HSD17B2: variants seen among roughly 807,000 people sequenced by gnomAD.
HSD17B2 encodes the protein hydroxysteroid 17-beta dehydrogenase 2.
A neutral mutation model predicts 26.9 loss-of-function variants in HSD17B2; 32 were observed. The observed-to-expected ratio is 1.19, with a 90% CI of 0.90 to 1.60. The LOEUF (loss-of-function observed/expected upper bound fraction) is 1.60, where lower values mean the gene tolerates loss of function less well. Ranked by LOEUF, HSD17B2 falls within the 40% of genes most tolerant of loss-of-function variation. The probability of loss-of-function intolerance (pLI) is 0.00; values close to 1 mark genes in which losing one functional copy is unlikely to be tolerated. For synonymous variants in HSD17B2, 246 were observed against 186.7 expected (o/e 1.32, Z -2.59); for missense variants, 613 against 468.6 (o/e 1.31, Z -2.85).
chr16:82,071,884 C>T (rs8048018), intron 3 of HSD17B2: 15,039 of 152,476 alleles, frequency 0.099, 2,470 homozygotes, highest in African/African-American at 0.34. Flanking sequence ...GGCTCTGGAT[C>T]CTAGGATCCT....
intron 3 of HSD17B2, among the ~76,000 whole-genome samples, chr16:82,083,752 G>T (rs1366151227): frequency 6.6e-6 from 1 of 152,108 alleles, no homozygotes; most frequent in Non-Finnish European, 1.5e-5. Context: ...AGCTCCTGAG[G>T]AGATGACCCC....
chr16:82,057,005 G>A (rs1344698655), intron 1 of HSD17B2, among the ~76,000 whole-genome samples: 1 of 152,086 alleles, frequency 6.6e-6, no homozygotes, highest in Non-Finnish European at 1.5e-5. Flanking sequence ...AAGAGTTAGA[G>A]CAACACAACA....
chr16:82,089,544 G>T (rs776514117), intron 3 of HSD17B2, among the ~76,000 whole-genome samples: 1 of 152,068 alleles, frequency 6.6e-6, no homozygotes, highest in Non-Finnish European at 1.5e-5. Flanking sequence ...TCATATTCTG[G>T]GGCTGCTGTC....
chr16:82,091,311 G>A (rs1168424800), intron 4 of HSD17B2: 6 of 462,976 alleles, frequency 1.3e-5, no homozygotes, highest in Non-Finnish European at 2.4e-5. Flanking sequence ...AGTCAGATTA[G>A]TGAAAAAGTA....
At chr16:82,044,677 A>G (rs549631416) in intron 1 of HSD17B2, 1 of 152,440 alleles carries the variant, frequency 6.6e-6, no homozygotes, top group East Asian at 1.9e-4. Context: ...AAACTCACCA[A>G]TCAGATACTT....
At chr16:82,063,404 A>C (rs2143967278) in intron 1 of HSD17B2, among the ~76,000 whole-genome samples, 1 of 152,330 alleles carries the variant, frequency 6.6e-6, no homozygotes, top group East Asian at 1.9e-4. Flanking sequence ...AGAGGCAGAG[A>C]GTAATTAGAA....
In HSD17B2 at chr16:82,098,085, C is replaced by A. The variant is rs1288911994; in HGVS notation, c.813C>A (p.Gly271=). 1 of 1,611,442 alleles carries A rather than the reference C, an allele frequency of 6.2e-7. No individual in the cohort carries two copies. Among genetic ancestry groups the A allele is most frequent in the African/African-American group, 1.3e-5 (1 of 74,900 alleles). The part of the protein sequence containing the change: ...QPGGFLTNIA[G]TSDKWEKLEK... Reference sequence around the variant, plus strand: ...TTCCTTTCACCCCAGATATCGCAGGCACCAGTGACAAGTGGGAAAAGCTGG... The same window carrying A: ...TTCCTTTCACCCCAGATATCGCAGGAACCAGTGACAAGTGGGAAAAGCTGG... Residue 271 remains glycine, a synonymous_variant, in exon 5 of 5, where the codon GGC becomes GGA. Coordinates refer to ENST00000199936, the MANE Select transcript of HSD17B2 (RefSeq NM_002153.3).
At chr16:82,038,256 G>C (rs923087281) in intron 1 of HSD17B2, among the ~76,000 whole-genome samples, 6 of 152,200 alleles carry the variant, frequency 3.9e-5, no homozygotes, top group African/African-American at 1.4e-4. Flanking sequence ...AGCAAGCATA[G>C]AGTGTTTGAA....
At chr16:82,097,894 C>A in intron 4 of HSD17B2, 181 bp from the exon 5 acceptor site, 1 of 485,208 alleles carries the variant, frequency 2.1e-6, no homozygotes, top group Non-Finnish European at 3.4e-6. Context: ...GCTGAGATCA[C>A]ACCACTGCAC....
chr16:82,077,494 G>A (rs1904308544), intron 3 of HSD17B2, among the ~76,000 whole-genome samples: 1 of 152,148 alleles, frequency 6.6e-6, no homozygotes, highest in African/African-American at 2.4e-5. Flanking sequence ...AGCACACAGG[G>A]AGGTCAGGTG....
intron 1 of HSD17B2, chr16:82,056,655 A>C (rs1428129609): frequency 2.0e-5 from 3 of 152,238 alleles, no homozygotes. Flanking sequence ...TTTCTCTATA[A>C]TGTATAATAC....
intron 1 of HSD17B2, among the ~76,000 whole-genome samples, chr16:82,067,774 G>C (rs1914606523): frequency 6.6e-6 from 1 of 152,190 alleles, no homozygotes; most frequent in Admixed American, 6.5e-5. Context: ...ATGAATGTTT[G>C]ACTGAAGGTT....
intron 1 of HSD17B2, among the ~76,000 whole-genome samples, chr16:82,045,874 C>T (rs911218547): frequency 1.3e-5 from 2 of 152,244 alleles, no homozygotes; most frequent in African/African-American, 4.8e-5. Context: ...GTTTTCTCTC[C>T]TGATTCTTCT....
chr16:82,072,235 T>G (rs567568445), intron 3 of HSD17B2, among the ~76,000 whole-genome samples: 3 of 150,678 alleles, frequency 2.0e-5, no homozygotes, highest in South Asian at 2.1e-4. Context: ...AGAGAAAGAG[T>G]TGGGGGAGAC....
chr16:82,072,640 G>A (rs190014778), intron 3 of HSD17B2, among the ~76,000 whole-genome samples: 56 of 152,268 alleles, frequency 3.7e-4, no homozygotes, highest in African/African-American at 1.2e-3. Context: ...GCCAAAATGT[G>A]CAGTATGTGC....
intron 4 of HSD17B2, chr16:82,095,997 T>C (rs1422765850): frequency 6.6e-6 from 1 of 152,170 alleles, no homozygotes; most frequent in African/African-American, 2.4e-5. Context: ...ATTCACTTTA[T>C]ATAATGAGGA....
In HSD17B2 at chr16:82,070,989, G is replaced by A; in HGVS notation, c.526G>A (p.Asp176Asn). The change falls in exon 3 of 5, where the codon GAT (aspartate) becomes AAT (asparagine). Residue 176 changes from aspartate (D) to asparagine (N), a missense_variant. Asp to Asn is a conservative substitution (Grantham distance 23). Coordinates refer to ENST00000199936, the MANE Select transcript of HSD17B2 (RefSeq NM_002153.3). ...TGCTGGGGTGCTTGGCTTTCCAACTGATGGGGAGCTTCTTCTTATGACTGA... is the reference window on the plus strand; with the variant it reads ...TGCTGGGGTGCTTGGCTTTCCAACTAATGGGGAGCTTCTTCTTATGACTGA... ...NNAGVLGFPT[D>N]GELLLMTDYK... is the part of the protein sequence containing the mutation. 1 of 1,614,252 alleles carries A rather than the reference G, an allele frequency of 6.2e-7. No homozygotes were observed. Among genetic ancestry groups the A allele is most frequent in the Non-Finnish European group, 8.5e-7 (1 of 1,180,046 alleles).
intron 1 of HSD17B2, 122 bp downstream of exon 1, chr16:82,035,811 C>T (rs1913609898): frequency 1.5e-5 from 16 of 1,045,502 alleles, no homozygotes; most frequent in Non-Finnish European, 2.2e-5. Flanking sequence ...TGAAAGCCCT[C>T]ACCCAAGTAT....
chr16:82,064,605 T>C (rs912401900), intron 1 of HSD17B2, among the ~76,000 whole-genome samples: 1 of 152,240 alleles, frequency 6.6e-6, no homozygotes, highest in Admixed American at 6.5e-5. Flanking sequence ...TAACTAGTTT[T>C]AGTGTCTGCA....
Sources: gnomAD v4.1 joint callset for allele counts (sites outside exome capture counted in the v4.1 genomes callset) on GRCh38, gnomAD v4.1.1 for gene constraint, MANE v1.5 for transcripts, NCBI Gene and HGNC (gene_info 2026-07-23, HGNC 2026-07-21) for gene names.